The following RYR3 variants were observed in gnomAD, a reference collection of about 807,000 sequenced individuals.
RYR3 encodes ryanodine receptor 3.
In RYR3, 207 loss-of-function variants were observed where a neutral mutation model predicts 584.3. The observed-to-expected ratio is 0.35, with a 90% CI of 0.32 to 0.40. The LOEUF is 0.40. Among genes scored for constraint, RYR3 ranks in the 10% least tolerant of loss-of-function variants. The pLI, the probability that RYR3 is intolerant of heterozygous loss-of-function variation, is 1.00. For missense variants in RYR3, 5,616 were observed against 6,089.2 expected (o/e 0.92, Z 2.59); for synonymous variants, 2,416 against 2,248.5 (o/e 1.07, Z -2.11).
Position 33,644,372 on chromosome 15 carries a change from T to C in RYR3, c.3618T>C (p.Asp1206=), listed in dbSNP as rs1212220000. 1 of 1,613,412 alleles carries C rather than the reference T, an allele frequency of 6.2e-7. No homozygotes were observed. ...TCGGCCGCATGAATCTCGGGACAGA[T>C]GCCAGTACCTTCAAGTTTTATACCA... is the stretch of plus-strand genomic sequence containing the variant. ...SQIGRMNLGT[D]ASTFKFYTMC... is the part of the protein sequence containing the mutation. The change falls in exon 28 of 104, where the codon GAT becomes GAC. Residue 1206 remains aspartate, a synonymous_variant. Coordinates refer to ENST00000634891, the MANE Select transcript of RYR3 (RefSeq NM_001036.6).
chr15:33,435,915 T>A (rs963156199), intron 1 of RYR3, among the ~76,000 whole-genome samples: 1 of 152,218 alleles, frequency 6.6e-6, no homozygotes, highest in Non-Finnish European at 1.5e-5. Flanking sequence ...TTTATTCCCT[T>A]ATTTGACCCT....
intron 75 of RYR3, among the ~76,000 whole-genome samples, 171 bp from the exon 76 acceptor site, chr15:33,818,407 C>T (rs1191147113): frequency 1.3e-5 from 2 of 152,168 alleles, no homozygotes; most frequent in South Asian, 2.1e-4. Context: ...TCTCAAACCT[C>T]GCACCTTTAG....
At chr15:33,424,911 G>C (rs1337160383) in intron 1 of RYR3, among the ~76,000 whole-genome samples, 1 of 152,182 alleles carries the variant, frequency 6.6e-6, no homozygotes, top group African/African-American at 2.4e-5. Flanking sequence ...CCATGAGTTT[G>C]AGTCCAGCCT....
Position 33,623,829 on chromosome 15 carries a change from C to A in RYR3, c.2380C>A (p.Arg794Ser), listed in dbSNP as rs757849692. 1 of 1,612,646 alleles carries A rather than the reference C, an allele frequency of 6.2e-7. No homozygotes were observed. Among genetic ancestry groups the A allele is most frequent in the Non-Finnish European group, 8.5e-7 (1 of 1,178,770 alleles). ...CAGAGTACGTTTCCTGATGGGTGGA[C>A]GTCATGGAGAGTTTAAGTTCCTGCC... is the stretch of plus-strand genomic sequence containing the variant. ...GVKVRFLMGG[R>S]HGEFKFLPPS... Residue 794 changes from arginine (R) to serine (S), a missense_variant, in exon 20 of 104, where the codon CGT becomes AGT. Arg to Ser is a moderately radical substitution (Grantham distance 110). Coordinates refer to ENST00000634891, the MANE Select transcript of RYR3 (RefSeq NM_001036.6).
chr15:33,453,791 T>C (rs1298252662), intron 1 of RYR3, among the ~76,000 whole-genome samples: 1 of 152,140 alleles, frequency 6.6e-6, no homozygotes, highest in Non-Finnish European at 1.5e-5. Flanking sequence ...TCTTCCTGTG[T>C]TTTCATATGA....
At position 33,662,888 on chromosome 15, in the gene RYR3, C is replaced by G. The variant is rs1423994631; in HGVS notation, c.5358C>G (p.Gly1786=). Residue 1786 remains glycine, a synonymous_variant, in exon 35 of 104, where the codon GGC becomes GGG. Transcript: ENST00000634891. ...EKAVEAGEKA[G]KEAPVKGLLQ... Reference sequence around the variant, plus strand: ...CTGTGGAGGCTGGGGAGAAGGCCGGCAAGGAGGCTCCTGTCAAAGGCTTGT... The same window carrying G: ...CTGTGGAGGCTGGGGAGAAGGCCGGGAAGGAGGCTCCTGTCAAAGGCTTGT... The G allele has an allele frequency of 2.5e-6, 4 of 1,613,392 alleles. No individual in the cohort carries two copies. The highest frequency in any genetic ancestry group is 3.4e-6 in the Non-Finnish European group (4 of 1,179,878).
intron 57 of RYR3, among the ~76,000 whole-genome samples, chr15:33,754,332 C>T (rs1426498139): frequency 6.6e-6 from 1 of 152,194 alleles, no homozygotes; most frequent in Non-Finnish European, 1.5e-5. Flanking sequence ...AATAGCTTCC[C>T]TTCTCACTCA....
intron 1 of RYR3, among the ~76,000 whole-genome samples, chr15:33,386,318 T>C (rs543237813): frequency 6.6e-6 from 1 of 152,286 alleles, no homozygotes; most frequent in South Asian, 2.1e-4. Flanking sequence ...CATTTCCAAA[T>C]ACAGAACAAC....
intron 20 of RYR3, 29 bp downstream of exon 20, chr15:33,624,052 C>T (rs186818388): frequency 6.9e-7 from 1 of 1,451,240 alleles, no homozygotes; most frequent in East Asian, 2.3e-5. Flanking sequence ...CAGAAGGCAA[C>T]CAATATAGAT....
intron 51 of RYR3, among the ~76,000 whole-genome samples, chr15:33,741,753 A>G (rs901103864): frequency 1.3e-5 from 2 of 152,062 alleles, no homozygotes; most frequent in African/African-American, 4.8e-5. Context: ...AGCTGGGACC[A>G]CAGGCACCAG....
At chr15:33,621,208 C>T (rs1417619036) in intron 19 of RYR3, among the ~76,000 whole-genome samples, 1 of 152,162 alleles carries the variant, frequency 6.6e-6, no homozygotes. Context: ...TTAAATTCCT[C>T]TAGAAATCCT....
At chr15:33,508,888 T>A (rs1020847411) in intron 3 of RYR3, among the ~76,000 whole-genome samples, 1 of 152,162 alleles carries the variant, frequency 6.6e-6, no homozygotes, top group South Asian at 2.1e-4. Context: ...TGTGGCACAT[T>A]TGTCATATGT....
intron 78 of RYR3, 78 bp downstream of exon 78, chr15:33,820,890 T>G: frequency 2.1e-6 from 1 of 481,150 alleles, no homozygotes; most frequent in South Asian, 3.9e-5. Flanking sequence ...GGTGCTGACA[T>G]TAGCCTATTG....
At chr15:33,500,678 G>A (rs1226885864) in intron 2 of RYR3, among the ~76,000 whole-genome samples, 1 of 152,146 alleles carries the variant, frequency 6.6e-6, no homozygotes, top group Non-Finnish European at 1.5e-5. Flanking sequence ...CCCCGTGCCT[G>A]CCAGGTAGAG....
At chr15:33,765,030 C>CAAAAAAAAAAAAAA (rs1183335863) in intron 60 of RYR3, among the ~76,000 whole-genome samples, 1 of 85,776 alleles carries the variant, frequency 1.2e-5, no homozygotes, top group Non-Finnish European at 2.0e-5. Context: ...GACTTCGTCT[C>CAAAAAAAAAAAAAA]AAAAAAAAAA....
intron 6 of RYR3, among the ~76,000 whole-genome samples, chr15:33,540,513 T>G (rs982868548): frequency 1.3e-5 from 2 of 152,186 alleles, no homozygotes; most frequent in Non-Finnish European, 2.9e-5. Flanking sequence ...CTACAAAGAA[T>G]GGACATTTTA....
chr15:33,756,455 A>G, intron 59 of RYR3, 82 bp downstream of exon 59: 1 of 1,000,794 alleles, frequency 1.0e-6, no homozygotes, highest in Non-Finnish European at 1.5e-6. Context: ...GATCCAGTGA[A>G]GATATCTAAA....
At chr15:33,430,018 G>A (rs1314102937) in intron 1 of RYR3, among the ~76,000 whole-genome samples, 3 of 152,264 alleles carry the variant, frequency 2.0e-5, no homozygotes, top group African/African-American at 7.2e-5. Context: ...GTTGGTCTAA[G>A]ATGAGAGGGG....
At chr15:33,588,872 G>T (rs886354219) in intron 16 of RYR3, among the ~76,000 whole-genome samples, 1 of 151,922 alleles carries the variant, frequency 6.6e-6, no homozygotes, top group Admixed American at 6.6e-5. Flanking sequence ...GGATATGTAC[G>T]TTCGTTCCAT....
Sources: allele counts gnomAD v4.1 joint callset (sites outside exome capture counted in the v4.1 genomes callset), GRCh38; gene constraint gnomAD v4.1.1; transcripts MANE v1.5; gene names NCBI Gene and HGNC (gene_info 2026-07-23, HGNC 2026-07-21).